The following RAB37 variants were observed in gnomAD, a reference collection of about 807,000 sequenced individuals.
RAB37 encodes the protein ras-related protein Rab-37.
RAB37 carries 29 observed loss-of-function variants against 33.1 expected under a neutral mutation model. That is an observed-to-expected ratio of 0.88 (90% CI 0.65 to 1.20). The LOEUF is 1.20. Ranked by LOEUF, RAB37 falls within the 50% of genes most tolerant of loss-of-function variation. The pLI is 0.00. For synonymous variants in RAB37, 128 were observed against 119.5 expected (o/e 1.07, Z -0.47); for missense variants, 299 against 301.1 (o/e 0.99, Z 0.05).
chr17:74,681,850 C>A (rs985941111), intron 1 of RAB37, among the ~76,000 whole-genome samples: 1 of 152,078 alleles, frequency 6.6e-6, no homozygotes, highest in African/African-American at 2.4e-5. Context: ...TTGTCTACTG[C>A]CTTCCCTCTT....
intron 1 of RAB37, among the ~76,000 whole-genome samples, chr17:74,684,983 G>T (rs564757439): frequency 1.9e-4 from 29 of 151,698 alleles, no homozygotes; most frequent in African/African-American, 7.0e-4. Context: ...ATAGATAAGT[G>T]AAAATTCATG....
Position 74,729,188 on chromosome 17 carries a change from C to A in RAB37, c.73-68C>A. 9.1e-7 allele frequency: 1 copy of A among 1,102,288 alleles called. No homozygotes were observed. The highest frequency in any genetic ancestry group is 1.4e-6 in the Non-Finnish European group (1 of 713,434). The allele number at this position is 1,102,288 out of a possible 1,614,324, so 68.3% of individuals were successfully genotyped here. On this transcript the variant is annotated intron_variant, in intron 1 of 7. Transcript: ENST00000340415. This position sits in a 1 kb window ranked among gnomAD's most constrained non-coding sequence, Gnocchi z 4.2. ...CTTAGAAAGAATCCACTCCCACAGCCACAAGGACACCTCTGAGGCCAACTC... is the reference window on the plus strand; with the variant it reads ...CTTAGAAAGAATCCACTCCCACAGCAACAAGGACACCTCTGAGGCCAACTC...
At position 74,730,152 on chromosome 17, in the gene RAB37, T is replaced by G. The variant is rs113593706; in HGVS notation, c.183+786T>G. 7.8e-4 allele frequency among the ~76,000 whole-genome samples: 119 copies of G among 152,242 alleles called. No homozygotes were observed. The highest frequency in any genetic ancestry group is 2.0e-3 in the Admixed American group (30 of 15,286). On this transcript the variant is annotated intron_variant, in intron 2 of 7. Transcript: ENST00000340415. This position sits in a 1 kb window ranked among gnomAD's most constrained non-coding sequence, Gnocchi z 4.4. Reference sequence around the variant, plus strand: ...TCCTGGGAAGACCTTGGGAGAGGGTTCCACTCCTCTCTCGGGCTGTGGCAG... The same window carrying G: ...TCCTGGGAAGACCTTGGGAGAGGGTGCCACTCCTCTCTCGGGCTGTGGCAG...
At chr17:74,705,094 C>A in intron 1 of RAB37, 1 of 655,206 alleles carries the variant, frequency 1.5e-6, no homozygotes. Flanking sequence ...CTCCACCCTA[C>A]GGCCAAGGTA....
intron 1 of RAB37, chr17:74,703,238 G>A: frequency 2.0e-6 from 2 of 997,840 alleles, no homozygotes; most frequent in Non-Finnish European, 3.0e-6. Context: ...CTGGGCGGGG[G>A]TCTGGACTGC....
At chr17:74,724,872 A>T (rs2034286863) in intron 1 of RAB37, among the ~76,000 whole-genome samples, 1 of 152,122 alleles carries the variant, frequency 6.6e-6, no homozygotes, top group African/African-American at 2.4e-5. Context: ...GGCCATCTGG[A>T]TGTATACGTG....
At chr17:74,721,433 CTT>C (rs1365134844) in intron 1 of RAB37, among the ~76,000 whole-genome samples, 17 of 138,320 alleles carry the variant, frequency 1.2e-4, no homozygotes, top group Non-Finnish European at 1.7e-4. Context: ...TCTTGGTTTA[CTT>C]TTTTTTTTTT....
intron 1 of RAB37, among the ~76,000 whole-genome samples, chr17:74,679,775 T>G (rs574432945): frequency 6.6e-6 from 1 of 152,114 alleles, no homozygotes; most frequent in South Asian, 2.1e-4. Flanking sequence ...GTCAGTAGTT[T>G]GAGACCAGCC....
intron 1 of RAB37, among the ~76,000 whole-genome samples, chr17:74,723,765 C>T (rs896403055): frequency 4.0e-5 from 6 of 151,880 alleles, no homozygotes; most frequent in Middle Eastern, 3.4e-3. Flanking sequence ...TTAGTAGAGA[C>T]GGGGTTTCAC....
At chr17:74,710,074 G>A (rs2033834239) in intron 1 of RAB37, among the ~76,000 whole-genome samples, 1 of 152,120 alleles carries the variant, frequency 6.6e-6, no homozygotes, top group Admixed American at 6.6e-5. Context: ...CGCCTCCCGG[G>A]TTCACGCCAT....
At chr17:74,684,033 G>GA (rs1173937585) in intron 1 of RAB37, among the ~76,000 whole-genome samples, 26 of 152,072 alleles carry the variant, frequency 1.7e-4, no homozygotes, top group African/African-American at 5.8e-4. Context: ...GCATTGTGCT[G>GA]AAAAAACAAT....
chr17:74,737,277 C>A lies in RAB37; in HGVS notation c.5C>A (p.Thr2Lys). 1 of 1,565,138 alleles carries A rather than the reference C, an allele frequency of 6.4e-7. No individual in the cohort carries two copies. The highest frequency in any genetic ancestry group is 8.6e-7 in the Non-Finnish European group (1 of 1,162,114). The change falls in exon 1 of 9, where the codon ACG becomes AAG. Residue 2 changes from threonine to lysine, a missense_variant. By Grantham distance (78) the Thr-to-Lys change is moderately conservative. Coordinates refer to ENST00000392613, the MANE Select transcript of RAB37 (RefSeq NM_001006638.3). M[T>K]GTPGAVATRD... ...GCTCACCTCTCGTCCAGGGACATGA[C>A]GGGCACGCCAGGCGCCGTTGCCACC... is the stretch of plus-strand genomic sequence containing the variant.
chr17:74,738,010 C>T lies in RAB37; in HGVS notation c.93+645C>T, dbSNP rs149756741. 3.3e-5 allele frequency among the ~76,000 whole-genome samples: 5 copies of T among 152,320 alleles called. No homozygotes were observed. The highest frequency in any genetic ancestry group is 7.2e-5 in the African/African-American group (3 of 41,582). Reference sequence around the variant, plus strand: ...CTTTCGCATCCCGCACTTGAGAGAGCTCCAGGGCTGCTCTCTGGGGCTTGC... The same window carrying T: ...CTTTCGCATCCCGCACTTGAGAGAGTTCCAGGGCTGCTCTCTGGGGCTTGC... On this transcript the variant is annotated intron_variant, in intron 1 of 8. Transcript: ENST00000392613. This position sits in a 1 kb window ranked among gnomAD's most constrained non-coding sequence, Gnocchi z 5.0.
At chr17:74,721,856 G>A (rs2034244944) in intron 1 of RAB37, among the ~76,000 whole-genome samples, 2 of 152,176 alleles carry the variant, frequency 1.3e-5, no homozygotes, top group Non-Finnish European at 2.9e-5. Context: ...CACTAATAGT[G>A]TATGTATGAG....
In RAB37 at chr17:74,671,488, A is replaced by G. The variant is rs868418973; in HGVS notation, c.-99A>G. ...GGATGCGGCCCGGCCCGCAGAGCTC[A>G]GACCCAAGCCTGCCGCACCCAGCGG... On this transcript the variant is annotated 5_prime_UTR_variant, in exon 1 of 8. Coordinates refer to the RAB37 transcript ENST00000340415. This position sits in a 1 kb window ranked among gnomAD's most constrained non-coding sequence, Gnocchi z 5.0. The G allele has an allele frequency of 3.4e-6, 4 of 1,160,648 alleles. No individual in the cohort carries two copies. Among genetic ancestry groups the G allele is most frequent in the African/African-American group, 3.0e-5 (2 of 65,744 alleles). 71.9% of individuals were successfully genotyped at this position (1,160,648 alleles called of 1,614,324 possible).
rs73361362 is a variant in RAB37 at position 74,738,545 on chromosome 17, C to T, written c.93+1180C>T. On this transcript the variant is annotated intron_variant, in intron 1 of 8. Transcript: ENST00000392613. This position sits in a 1 kb window ranked among gnomAD's most constrained non-coding sequence, Gnocchi z 5.0. ...AGCTGTTTGTGTTTGGTGGAATCAC[C>T]GAGCTGGGTGGGTAGCTGGCATCGT... Among the ~76,000 whole-genome samples, 1,797 of 152,268 alleles carry T rather than the reference C, an allele frequency of 0.012. 27 individuals are homozygous for T. The highest frequency in any genetic ancestry group is 0.04 in the African/African-American group (1,674 of 41,550).
intron 1 of RAB37, chr17:74,705,223 GACCCTCATGA>G (rs2033411112): frequency 4.3e-6 from 3 of 702,430 alleles, no homozygotes; most frequent in Non-Finnish European, 7.8e-6. Context: ...TAGCACTGAT[GACCCTCATGA>G]GGTCGAGCTG....
upstream of RAB37, among the ~76,000 whole-genome samples, chr17:74,732,719 CGTGTGTGGTGTGATTTGAG>C (rs2034406273): frequency 2.3e-5 from 1 of 43,714 alleles, no homozygotes; most frequent in African/African-American, 8.2e-5. Flanking sequence ...TGTGGTGTGA[CGTGTGTGGTGTGATTTGAG>C]GTGTGTGTGA....
chr17:74,722,366 T>C (rs2034254383), intron 1 of RAB37, among the ~76,000 whole-genome samples: 1 of 151,804 alleles, frequency 6.6e-6, no homozygotes, highest in African/African-American at 2.4e-5. Flanking sequence ...CCAAACTCTG[T>C]AGGGCCAGCC....
Sources: allele counts gnomAD v4.1 joint callset (sites outside exome capture counted in the v4.1 genomes callset), GRCh38; gene constraint gnomAD v4.1.1; non-coding constraint Gnocchi (gnomAD v3.1); transcripts MANE v1.5; gene names NCBI Gene and HGNC (gene_info 2026-07-23, HGNC 2026-07-21).